The following BAZ1B variants were observed in gnomAD, a reference collection of about 807,000 sequenced individuals.
BAZ1B encodes bromodomain adjacent to zinc finger domain 1B.
Under a neutral mutation model 153.8 loss-of-function variants are expected in BAZ1B, and 22 were observed. That is an observed-to-expected ratio of 0.14 (90% confidence interval 0.10 to 0.20). The LOEUF (loss-of-function observed/expected upper bound fraction) is 0.20. Ranked by LOEUF, BAZ1B falls within the 10% of genes least tolerant of loss-of-function variation. The pLI is 1.00. For missense variants in BAZ1B, 1,325 were observed against 1,799.3 expected (o/e 0.74, Z 4.77); for synonymous variants, 676 against 633.4 (o/e 1.07, Z -1.01).
rs1488137824 is a variant in BAZ1B at position 73,478,535 on chromosome 7, T to G, written c.926A>C (p.Asn309Thr). 1.3e-6 allele frequency: 2 copies of G among 1,559,616 alleles called. No individual in the cohort carries two copies. Among genetic ancestry groups the G allele is most frequent in the Non-Finnish European group, 1.7e-6 (2 of 1,156,022 alleles). The change falls in exon 7 of 20, where the codon AAT becomes ACT. Residue 309 changes from asparagine to threonine, a missense_variant. This residue lies in a region of BAZ1B where 219 missense variants were observed against 248.2 expected (regional missense o/e 0.88). Transcript: ENST00000339594. ...MTLNPSTKRK[N>T]TGSPDRKPSK... ...GGGCTTCCTGTCTGGGGATCCAGTA[T>G]TCTTCCTCTTAGTAGAAGGGTTGAG...
chr7:73,445,578 G>T (rs1225266079), intron 16 of BAZ1B, among the ~76,000 whole-genome samples: 8 of 151,862 alleles, frequency 5.3e-5, no homozygotes, highest in South Asian at 2.1e-4. Flanking sequence ...TTCAGGATCT[G>T]CCCTCAGAGA....
chr7:73,492,137 C>T (rs535301304), intron 5 of BAZ1B, among the ~76,000 whole-genome samples: 3 of 151,878 alleles, frequency 2.0e-5, no homozygotes, highest in South Asian at 2.1e-4. Context: ...GGATTATAGG[C>T]GTGCGCCACC....
intron 1 of BAZ1B, among the ~76,000 whole-genome samples, chr7:73,520,194 G>A (rs1554579911): frequency 7.0e-6 from 1 of 142,914 alleles, no homozygotes; most frequent in Non-Finnish European, 1.5e-5. Flanking sequence ...GGGTTAACAA[G>A]AGGGAAACTC....
chr7:73,515,974 G>A lies in BAZ1B; in HGVS notation c.108-5122C>T, dbSNP rs553502238. ...AGCCTGGCCAACACGGTGAAACCCC[G>A]TCTCTACTTAAAAAGTGCAAAAAAG... On this transcript the variant is annotated intron_variant, in intron 1 of 19. Transcript: ENST00000339594. Among the ~76,000 whole-genome samples, 492 of 152,130 alleles carry A rather than the reference G, an allele frequency of 3.2e-3. 2 individuals are homozygous for A. The highest frequency in any genetic ancestry group is 6.8e-3 in the Admixed American group (104 of 15,260).
intron 2 of BAZ1B, among the ~76,000 whole-genome samples, chr7:73,510,440 G>A (rs572993281): frequency 6.6e-6 from 1 of 152,160 alleles, no homozygotes; most frequent in East Asian, 1.9e-4. Flanking sequence ...AAAAGAAAAA[G>A]CAAAAAAGAA....
At chr7:73,508,111 G>A (rs1192214258) in intron 3 of BAZ1B, among the ~76,000 whole-genome samples, 1 of 152,038 alleles carries the variant, frequency 6.6e-6, no homozygotes. Flanking sequence ...AGCCAAGATT[G>A]CGCACTGCAC....
intron 16 of BAZ1B, among the ~76,000 whole-genome samples, chr7:73,445,130 G>A (rs575454736): frequency 6.6e-6 from 1 of 152,104 alleles, no homozygotes; most frequent in Non-Finnish European, 1.5e-5. Flanking sequence ...GTGAGCCCTG[G>A]GAAACAATGC....
Position 73,447,277 on chromosome 7 carries a change from C to T in BAZ1B, c.3831G>A (p.Val1277=), listed in dbSNP as rs782727550. 8.1e-6 allele frequency: 13 copies of T among 1,613,780 alleles called. No individual in the cohort carries two copies. In the South Asian group the frequency reaches 1.2e-4, roughly 15 times the overall value. The change falls in exon 16 of 20, where the codon GTG becomes GTA. Residue 1277 remains valine (V), a synonymous_variant. Transcript: ENST00000339594. The stretch of plus-strand genomic sequence containing the variant: ...CAAAATACTTACATCGCAAACCAGC[C>T]ACCTCATAATCTTCTTCCTCCTCCT... ...EEEEEEEDYE[V]AGLRLRPRKT... is the part of the protein sequence containing the mutation.
intron 3 of BAZ1B, among the ~76,000 whole-genome samples, chr7:73,504,487 C>A (rs1321186630): frequency 4.6e-5 from 7 of 152,052 alleles, no homozygotes; most frequent in Non-Finnish European, 8.8e-5. Context: ...TACGGTGAAA[C>A]CCCGTCCCTA....
chr7:73,454,706 C>T (rs781858193), intron 13 of BAZ1B, among the ~76,000 whole-genome samples: 17 of 152,346 alleles, frequency 1.1e-4, no homozygotes, highest in East Asian at 5.8e-4. Context: ...AACCCATCCT[C>T]TCTTCCCTCT....
At chr7:73,465,607 G>A in intron 10 of BAZ1B, 70 bp from the exon 11 acceptor site, 1 of 1,007,982 alleles carries the variant, frequency 9.9e-7, no homozygotes, top group Non-Finnish European at 1.5e-6. Context: ...ACTAAGCAAG[G>A]GATCTAGAGT....
chr7:73,471,404 C>T (rs1321718633), intron 7 of BAZ1B, among the ~76,000 whole-genome samples: 1 of 152,188 alleles, frequency 6.6e-6, no homozygotes, highest in African/African-American at 2.4e-5. Context: ...TTAGAAATTT[C>T]CCTCAACAAA....
chr7:73,472,675 C>T (rs1429602119), intron 7 of BAZ1B, among the ~76,000 whole-genome samples: 1 of 152,214 alleles, frequency 6.6e-6, no homozygotes, highest in Non-Finnish European at 1.5e-5. Flanking sequence ...CTCCCAGGTT[C>T]AAGCGATTCT....
chr7:73,449,670 G>C lies in BAZ1B; in HGVS notation c.3600C>G (p.Ile1200Met). 1 of 1,613,908 alleles carries C rather than the reference G, an allele frequency of 6.2e-7. No homozygotes were observed. Among genetic ancestry groups the C allele is most frequent in the East Asian group, 2.2e-5 (1 of 44,854 alleles). Residue 1200 changes from isoleucine to methionine, a missense_variant, in exon 15 of 20, where the codon ATC becomes ATG. Transcript: ENST00000339594. ...CRKKGEDDKL[I>M]LCDECNKAFH... ...AGGCTTTATTACACTCATCACACAA[G>C]ATCAATTTGTCATCCTCACCTGCAG...
chr7:73,484,284 G>C (rs1388071418), intron 6 of BAZ1B, among the ~76,000 whole-genome samples: 1 of 147,294 alleles, frequency 6.8e-6, no homozygotes, highest in African/African-American at 2.5e-5. Context: ...GGGAGGGACG[G>C]AGGGAGGAAG....
chr7:73,466,210 A>T (rs782380046), intron 10 of BAZ1B, 86 bp downstream of exon 10: 19 of 928,726 alleles, frequency 2.0e-5, no homozygotes, highest in Non-Finnish European at 2.8e-5. Flanking sequence ...ATAATTATTA[A>T]CTCACTGGCA....
At chr7:73,487,987 T>C (rs1191658548) in intron 6 of BAZ1B, among the ~76,000 whole-genome samples, 1 of 152,222 alleles carries the variant, frequency 6.6e-6, no homozygotes, top group Non-Finnish European at 1.5e-5. Context: ...CTTTTCAATA[T>C]GCTTTTGTCA....
intron 7 of BAZ1B, among the ~76,000 whole-genome samples, chr7:73,470,780 G>C (rs1788772954): frequency 6.6e-6 from 1 of 152,152 alleles, no homozygotes; most frequent in African/African-American, 2.4e-5. Context: ...CTGTCACCCA[G>C]GGTGGAGTGC....
At position 73,472,754 on chromosome 7, in the gene BAZ1B, T is replaced by A. The variant is rs868939672; in HGVS notation, c.2594-2271A>T. On this transcript the variant is annotated intron_variant, in intron 7 of 19. Coordinates refer to ENST00000339594, the MANE Select transcript of BAZ1B (RefSeq NM_032408.4). Reference sequence around the variant, plus strand: ...ACCACAGCCAGCTAATTTATTTATTTATTTATTTATTTATTTATTTTGAGA... The same window carrying A: ...ACCACAGCCAGCTAATTTATTTATTAATTTATTTATTTATTTATTTTGAGA... Among the ~76,000 whole-genome samples the A allele has an allele frequency of 2.5e-4, 34 of 137,062 alleles. No homozygotes were observed. In the South Asian group the frequency reaches 2.8e-3, roughly 11 times the overall value. 89.9% of individuals were successfully genotyped at this position (137,062 alleles called of 152,430 possible).
Sources: allele counts gnomAD v4.1 joint callset (sites outside exome capture counted in the v4.1 genomes callset), GRCh38; gene constraint gnomAD v4.1.1; regional missense constraint gnomAD v4.1.1; transcripts MANE v1.5; gene names NCBI Gene and HGNC (gene_info 2026-07-23, HGNC 2026-07-21).